Variants in ARHGAP6 observed in about 807,000 individuals in gnomAD.
ARHGAP6 encodes the protein rho GTPase-activating protein 6.
ARHGAP6 carries 16 observed loss-of-function variants against 55.7 expected under a neutral mutation model. The ratio of observed to expected loss-of-function variants is 0.29; its 90% CI spans 0.19 to 0.44. The LOEUF (loss-of-function observed/expected upper bound fraction) is 0.44, where lower values mean the gene tolerates loss of function less well. Among genes scored for constraint, ARHGAP6 ranks in the 20% least tolerant of loss-of-function variants. The probability of loss-of-function intolerance (pLI) is 1.00; values close to 1 mark genes in which losing one functional copy is unlikely to be tolerated. For synonymous variants in ARHGAP6, 382 were observed against 360.9 expected, an observed-to-expected ratio of 1.06 and a Z score of -0.66; for missense variants, 698 against 808.9, an observed-to-expected ratio of 0.86 and a Z score of 1.66.
chrX:11,347,672 C>T (rs781294660), intron 1 of ARHGAP6, among the ~76,000 whole-genome samples: 5 of 111,979 alleles, frequency 4.5e-5, no homozygotes, highest in Admixed American at 9.5e-5. Flanking sequence ...ATGTAGAACA[C>T]GAACTGAAAT....
chrX:11,143,476 A>G lies in ARHGAP6; in HGVS notation c.2176+504T>C, dbSNP rs892308709. 2.0e-5 allele frequency: 14 copies of G among 696,827 alleles called. No individual in the cohort carries two copies. The African/African-American group carries it at 3.3e-4, about 16-fold the overall frequency. The allele number at this position is 696,827 out of a possible 1,213,427, so 57.4% of individuals were successfully genotyped here. A position where few individuals can be genotyped will look rare whatever the true frequency, so the allele number is the denominator to read the frequency against. The stretch of plus-strand genomic sequence containing the variant: ...CGCTCACTGGAGATCCTGCAGGTTG[A>G]AAGTGGCAGAGCAGGTTTGTGACTC... On this transcript the variant is annotated intron_variant, in intron 11 of 12. Transcript: ENST00000337414.
intron 1 of ARHGAP6, among the ~76,000 whole-genome samples, chrX:11,494,323 G>T (rs1278695401): frequency 8.9e-6 from 1 of 112,134 alleles, no homozygotes; most frequent in Non-Finnish European, 1.9e-5. Context: ...GATCCTTTGG[G>T]ACGTAACTGA....
At chrX:11,398,262 T>TAAAAAAAAAAAAAAAAAAAAAAAAAAA (rs60548732) in intron 1 of ARHGAP6, among the ~76,000 whole-genome samples, 1 of 58,833 alleles carries the variant, frequency 1.7e-5, no homozygotes. Flanking sequence ...GTAAGTGCTA[T>TAAAAAAAAAAAAAAAAAAAAAAAAAAA]AAAAAAAAAA....
chrX:11,180,630 A>G (rs2046302439), intron 6 of ARHGAP6, among the ~76,000 whole-genome samples: 1 of 111,984 alleles, frequency 8.9e-6, no homozygotes, highest in African/African-American at 3.2e-5. Context: ...GTAAACACTA[A>G]TTATATTTTT....
chrX:11,344,868 C>T (rs2048759004), intron 1 of ARHGAP6, among the ~76,000 whole-genome samples: 1 of 110,616 alleles, frequency 9.0e-6, no homozygotes, highest in South Asian at 3.9e-4. Context: ...CATCCATACC[C>T]TTACCTGGGA....
chrX:11,352,081 A>C (rs1396855124), intron 1 of ARHGAP6, among the ~76,000 whole-genome samples: 1 of 112,789 alleles, frequency 8.9e-6, no homozygotes, highest in East Asian at 2.8e-4. Flanking sequence ...ATTATACCTC[A>C]GTAACACCAT....
At chrX:11,226,352 T>C (rs1180394780) in intron 2 of ARHGAP6, among the ~76,000 whole-genome samples, 1 of 111,452 alleles carries the variant, frequency 9.0e-6, no homozygotes, top group Non-Finnish European at 1.9e-5. Context: ...TGGTATTCCA[T>C]GGTGTATATA....
At chrX:11,191,392 G>T (rs1489885662) in intron 3 of ARHGAP6, among the ~76,000 whole-genome samples, 1 of 111,966 alleles carries the variant, frequency 8.9e-6, no homozygotes, top group Non-Finnish European at 1.9e-5. Context: ...GTAAGTAAAT[G>T]AATAGGCATG....
At chrX:11,259,396 G>T (rs1443311020) in intron 1 of ARHGAP6, among the ~76,000 whole-genome samples, 1 of 111,427 alleles carries the variant, frequency 9.0e-6, no homozygotes, top group African/African-American at 3.3e-5. Flanking sequence ...TTTTCCTGAA[G>T]TTCCCTAATG....
intron 1 of ARHGAP6, among the ~76,000 whole-genome samples, chrX:11,476,449 A>T (rs1015304223): frequency 8.9e-6 from 1 of 111,896 alleles, no homozygotes; most frequent in African/African-American, 3.2e-5. Flanking sequence ...AAATCCCATC[A>T]TCAGTTCTTG....
intron 1 of ARHGAP6, among the ~76,000 whole-genome samples, chrX:11,487,471 C>T (rs1788217264): frequency 8.9e-6 from 1 of 111,870 alleles, no homozygotes; most frequent in Non-Finnish European, 1.9e-5. Context: ...TGAAGGGGCT[C>T]CCACTTCAGG....
chrX:11,294,011 C>G (rs1275233567), intron 1 of ARHGAP6, among the ~76,000 whole-genome samples: 1 of 112,449 alleles, frequency 8.9e-6, no homozygotes, highest in Non-Finnish European at 1.9e-5. Flanking sequence ...TTTAGGAGGA[C>G]CTGTTTTGCT....
intron 1 of ARHGAP6, among the ~76,000 whole-genome samples, chrX:11,614,459 G>T (rs769718344): frequency 9.0e-6 from 1 of 111,448 alleles, no homozygotes; most frequent in East Asian, 2.8e-4. Flanking sequence ...AGAGAACCAA[G>T]GGGGGAACTG....
intron 1 of ARHGAP6, among the ~76,000 whole-genome samples, chrX:11,618,339 G>C (rs1183913775): frequency 1.8e-5 from 2 of 112,286 alleles, no homozygotes; most frequent in Non-Finnish European, 3.8e-5. Flanking sequence ...AGCAGCAACA[G>C]GAAATTAATA....
At chrX:11,218,776 G>A (rs1332190693) in intron 2 of ARHGAP6, among the ~76,000 whole-genome samples, 1 of 111,662 alleles carries the variant, frequency 9.0e-6, no homozygotes, top group Non-Finnish European at 1.9e-5. Context: ...TTCTCTGATA[G>A]CAGTTTGTAT....
Position 11,326,333 on chromosome X carries a change from G to A in ARHGAP6, c.589-71626C>T, listed in dbSNP as rs140858061. Reference sequence around the variant, plus strand: ...AGTAGAAAAAGGATTTCTCCATGTTGGTCAGGCTGGTCTTGAACTCCCGAT... The same window carrying A: ...AGTAGAAAAAGGATTTCTCCATGTTAGTCAGGCTGGTCTTGAACTCCCGAT... On this transcript the variant is annotated intron_variant, in intron 1 of 12. Transcript: ENST00000337414. 1.0e-3 allele frequency among the ~76,000 whole-genome samples: 115 copies of A among 110,904 alleles called. 3 individuals are homozygous for A. In the East Asian group the frequency reaches 0.03, roughly 29 times the overall value.
At position 11,195,935 on chromosome X, in the gene ARHGAP6, G is replaced by A. The variant is rs957148453; in HGVS notation, c.820+990C>T. On this transcript the variant is annotated intron_variant, in intron 3 of 12. Coordinates refer to ENST00000337414, the MANE Select transcript of ARHGAP6 (RefSeq NM_013427.3). ...TTGAGACCATCCTGGCTAACGTGGT[G>A]AAACCCTGTCTCTACTAAAAATACA... 8.2e-5 allele frequency among the ~76,000 whole-genome samples: 6 copies of A among 72,854 alleles called. No homozygotes were observed. The East Asian group carries it at 3.0e-3, about 36-fold the overall frequency. 63.3% of individuals were successfully genotyped at this position (72,854 alleles called of 115,157 possible).
intron 1 of ARHGAP6, among the ~76,000 whole-genome samples, chrX:11,510,007 G>C (rs188468571): frequency 2.9e-3 from 326 of 112,031 alleles, no homozygotes; most frequent in Non-Finnish European, 4.4e-3. Flanking sequence ...TTCAGAGATA[G>C]CAGTTGGTGT....
intron 1 of ARHGAP6, among the ~76,000 whole-genome samples, chrX:11,372,254 ATAAAG>A (rs1301575659): frequency 8.9e-6 from 1 of 112,147 alleles, no homozygotes; most frequent in Admixed American, 9.5e-5. Context: ...TTCTTAGTAA[ATAAAG>A]TATATACTGA....
Sources: allele counts gnomAD v4.1 joint callset (sites outside exome capture counted in the v4.1 genomes callset), GRCh38; gene constraint gnomAD v4.1.1; transcripts MANE v1.5; gene names NCBI Gene and HGNC (gene_info 2026-07-23, HGNC 2026-07-21).